The following GPHN variants were observed in gnomAD, a reference collection of about 807,000 sequenced individuals.
The protein encoded by GPHN is gephyrin.
In GPHN, 17 loss-of-function variants were observed where a neutral mutation model predicts 95.5. That is an observed-to-expected ratio of 0.18 (90% CI 0.12 to 0.27). The LOEUF (loss-of-function observed/expected upper bound fraction) is 0.27, where lower values mean the gene tolerates loss of function less well. Ranked by LOEUF, GPHN falls within the 10% of genes least tolerant of loss-of-function variation. GPHN has a pLI of 1.00. For missense variants in GPHN, 660 were observed against 978.1 expected, an observed-to-expected ratio of 0.67 and a Z score of 4.34; for synonymous variants, 320 against 322.5, an observed-to-expected ratio of 0.99 and a Z score of 0.08.
chr14:66,898,576 C>T (rs1304027329), intron 5 of GPHN, among the ~76,000 whole-genome samples: 1 of 146,608 alleles, frequency 6.8e-6, no homozygotes, highest in Non-Finnish European at 1.5e-5. Context: ...GTTCTGGTTT[C>T]TCTGTTCTGT....
chr14:67,461,369 A>C, the GPHN span, among the ~76,000 whole-genome samples: 3 of 152,194 alleles, frequency 2.0e-5, no homozygotes, highest in Non-Finnish European at 2.9e-5. Flanking sequence ...ATGACTCCAA[A>C]GCCTGGGGTA....
chr14:67,419,667 G>A, the GPHN span, among the ~76,000 whole-genome samples: 2 of 152,120 alleles, frequency 1.3e-5, no homozygotes, highest in Non-Finnish European at 2.9e-5. Context: ...TCGTGACCAC[G>A]GTGAAACCCC....
chr14:67,581,128 A>G, the GPHN span: 1 of 811,010 alleles, frequency 1.2e-6, no homozygotes, highest in East Asian at 2.5e-5. Context: ...GCCTATCCAG[A>G]CGGGGGGAGG....
intron 2 of GPHN, among the ~76,000 whole-genome samples, chr14:66,716,807 A>T (rs1479650317): frequency 1.3e-5 from 2 of 152,134 alleles, no homozygotes; most frequent in African/African-American, 2.4e-5. Flanking sequence ...TTCTTGGCTG[A>T]GAATTGTTTT....
chr14:66,908,879 A>G (rs2065526667), intron 5 of GPHN, among the ~76,000 whole-genome samples: 1 of 152,044 alleles, frequency 6.6e-6, no homozygotes, highest in South Asian at 2.1e-4. Context: ...CACTTACCAA[A>G]GCTATCAAGG....
At chr14:67,676,633 G>C in the GPHN span, among the ~76,000 whole-genome samples, 1 of 152,288 alleles carries the variant, frequency 6.6e-6, no homozygotes, top group African/African-American at 2.4e-5. Flanking sequence ...TCTGTGAAGA[G>C]TGTCAAAAAA....
chr14:67,642,804 T>TTTTTTC, the GPHN span, among the ~76,000 whole-genome samples: 1 of 124,430 alleles, frequency 8.0e-6, no homozygotes, highest in South Asian at 3.0e-4. Context: ...TTTTTTTTTT[T>TTTTTTC]TTTTTTTTTT....
chr14:67,511,794 C>T, the GPHN span, among the ~76,000 whole-genome samples: 98 of 152,312 alleles, frequency 6.4e-4, no homozygotes, highest in African/African-American at 2.3e-3. Context: ...TATAGCCTCA[C>T]AGGGGAGGAG....
chr14:66,968,077 C>A (rs1262412692), intron 9 of GPHN, among the ~76,000 whole-genome samples: 6 of 151,792 alleles, frequency 4.0e-5, no homozygotes, highest in Non-Finnish European at 8.8e-5. Context: ...TGCCTTTCCC[C>A]ACTGAGTCAA....
chr14:67,054,903 T>C (rs1257586757), intron 10 of GPHN, among the ~76,000 whole-genome samples: 3 of 151,418 alleles, frequency 2.0e-5, no homozygotes, highest in African/African-American at 7.3e-5. Flanking sequence ...ATGCAGAAAA[T>C]TGAAACCGGA....
At chr14:67,306,094 C>T in the GPHN span, among the ~76,000 whole-genome samples, 1 of 152,186 alleles carries the variant, frequency 6.6e-6, no homozygotes, top group African/African-American at 2.4e-5. Flanking sequence ...TTCAGCCTCC[C>T]TAGTAGCTGA....
At chr14:67,616,010 G>T in the GPHN span, 1 of 294,824 alleles carries the variant, frequency 3.4e-6, no homozygotes, top group Admixed American at 4.2e-5. Flanking sequence ...GAGTTGTTGA[G>T]GCTGAAAAAA....
At chr14:67,240,490 A>G in the GPHN span, among the ~76,000 whole-genome samples, 1 of 152,222 alleles carries the variant, frequency 6.6e-6, no homozygotes, top group Non-Finnish European at 1.5e-5. Context: ...TCACAGGCAT[A>G]GTTTGGCCTC....
the GPHN span, among the ~76,000 whole-genome samples, chr14:67,237,374 A>C: frequency 6.6e-6 from 1 of 152,158 alleles, no homozygotes. Context: ...TAATAGCCTT[A>C]GTTAAGGCTA....
chr14:66,956,107 T>G lies in GPHN; in HGVS notation c.829-9084T>G, dbSNP rs535847696. Among the ~76,000 whole-genome samples, 140 of 152,334 alleles carry G rather than the reference T, an allele frequency of 9.2e-4. 1 individual carries two copies. The highest frequency in any genetic ancestry group is 1.7e-3 in the Non-Finnish European group (118 of 68,028). ...CATTTATCTCCACTATAATTCTTATTATTTTCTTTTGTTTGCTTTGGGTTT... is the reference window on the plus strand; with the variant it reads ...CATTTATCTCCACTATAATTCTTATGATTTTCTTTTGTTTGCTTTGGGTTT... On this transcript the variant is annotated intron_variant, in intron 8 of 22. Coordinates refer to ENST00000478722, the MANE Select transcript of GPHN (RefSeq NM_020806.5).
intron 3 of GPHN, among the ~76,000 whole-genome samples, chr14:66,819,392 T>A (rs529786907): frequency 3.3e-5 from 5 of 152,138 alleles, no homozygotes; most frequent in Non-Finnish European, 7.4e-5. Context: ...GTTGTAAGTG[T>A]GTGGTCTTAT....
intron 2 of GPHN, among the ~76,000 whole-genome samples, chr14:66,712,685 G>A (rs2069769778): frequency 6.6e-6 from 1 of 152,032 alleles, no homozygotes; most frequent in Non-Finnish European, 1.5e-5. Flanking sequence ...CCAATCAAAT[G>A]GTAGTTCTAC....
chr14:66,783,896 T>A (rs565317785), intron 3 of GPHN, among the ~76,000 whole-genome samples: 1 of 152,276 alleles, frequency 6.6e-6, no homozygotes, highest in East Asian at 1.9e-4. Context: ...TGTGTTACAT[T>A]GCGACATGGG....
the GPHN span, among the ~76,000 whole-genome samples, chr14:67,629,144 G>A: frequency 2.0e-5 from 3 of 152,116 alleles, no homozygotes; most frequent in African/African-American, 7.2e-5. Flanking sequence ...GACCAGCCTG[G>A]GCAACTTAGC....
Sources: gnomAD v4.1 joint callset for allele counts (sites outside exome capture counted in the v4.1 genomes callset) on GRCh38, gnomAD v4.1.1 for gene constraint, MANE v1.5 for transcripts, NCBI Gene and HGNC (gene_info 2026-07-23, HGNC 2026-07-21) for gene names.